RASA1: variants seen among roughly 807,000 people sequenced by gnomAD.
The protein encoded by RASA1 is RAS p21 protein activator 1, also known as ras GTPase-activating protein 1.
RASA1 carries 25 observed loss-of-function variants against 132.2 expected under a neutral mutation model. That is an observed-to-expected ratio of 0.19 (90% CI 0.14 to 0.26). The LOEUF (loss-of-function observed/expected upper bound fraction) is 0.26, where lower values mean the gene tolerates loss of function less well. Ranked by LOEUF, RASA1 falls within the 10% of genes least tolerant of loss-of-function variation. The pLI, the probability that RASA1 is intolerant of heterozygous loss-of-function variation, is 1.00. For synonymous variants in RASA1, 477 were observed against 449.9 expected, an observed-to-expected ratio of 1.06 and a Z score of -0.76; for missense variants, 964 against 1,299.2, an observed-to-expected ratio of 0.74 and a Z score of 3.97.
At chr5:87,368,538 C>T (rs893575594) in intron 11 of RASA1, among the ~76,000 whole-genome samples, 6 of 152,088 alleles carry the variant, frequency 3.9e-5, no homozygotes, top group Non-Finnish European at 7.4e-5. Flanking sequence ...GTTATTGCGT[C>T]CAGAAAGAAT....
At chr5:87,306,999 A>G (rs1293934296) in intron 1 of RASA1, among the ~76,000 whole-genome samples, 1 of 151,966 alleles carries the variant, frequency 6.6e-6, no homozygotes, top group African/African-American at 2.4e-5. Flanking sequence ...GCTGGGGACT[A>G]TAGGTGTGCG....
In RASA1 at chr5:87,332,899, A is replaced by G. The variant is rs35881049; in HGVS notation, c.828+257A>G. On this transcript the variant is annotated intron_variant, in intron 3 of 24. Transcript: ENST00000274376. ...GTGATAGCCTAACAAATATTTCTGA[A>G]TGTATGGGAACAAATTACTGATTTC... Among the ~76,000 whole-genome samples, 1,185 of 152,264 alleles carry G rather than the reference A, an allele frequency of 7.8e-3. 8 individuals carry two copies. The highest frequency in any genetic ancestry group is 0.012 in the Non-Finnish European group (849 of 67,982).
At chr5:87,357,667 T>C (rs1243282693) in intron 9 of RASA1, among the ~76,000 whole-genome samples, 1 of 151,788 alleles carries the variant, frequency 6.6e-6, no homozygotes, top group African/African-American at 2.4e-5. Context: ...ATTGCACCAC[T>C]GCACTCCAGA....
At chr5:87,275,589 C>T (rs965090151) in intron 1 of RASA1, among the ~76,000 whole-genome samples, 2 of 148,164 alleles carry the variant, frequency 1.3e-5, no homozygotes, top group Non-Finnish European at 1.5e-5. Context: ...TTTTTTTTTC[C>T]CCCCTGAGAT....
intron 1 of RASA1, among the ~76,000 whole-genome samples, chr5:87,295,875 GT>G (rs1755097818): frequency 6.6e-6 from 1 of 151,454 alleles, no homozygotes; most frequent in Non-Finnish European, 1.5e-5. Flanking sequence ...GGAATGCAGT[GT>G]TACCATCTCT....
chr5:87,268,680 G>A lies in RASA1; in HGVS notation c.229G>A (p.Val77Met). Residue 77 changes from valine (V) to methionine (M), a missense_variant, in exon 1 of 25, where the codon GTG becomes ATG. Physicochemically the swap from Val to Met is conservative, Grantham distance 21. Coordinates refer to ENST00000274376, the MANE Select transcript of RASA1 (RefSeq NM_002890.3). Reference sequence around the variant, plus strand: ...GTCAGAGTTCCTAGGAGCCGGGTCTGTGGCAGGGGCACTGGGGGGAGCTGG... The same window carrying A: ...GTCAGAGTTCCTAGGAGCCGGGTCTATGGCAGGGGCACTGGGGGGAGCTGG... ...LGSEFLGAGS[V>M]AGALGGAGLT... 6.2e-7 allele frequency: 1 copy of A among 1,611,624 alleles called. No individual in the cohort carries two copies.
chr5:87,367,647 A>G (rs922548994), intron 11 of RASA1, among the ~76,000 whole-genome samples: 2 of 152,158 alleles, frequency 1.3e-5, no homozygotes, highest in Non-Finnish European at 2.9e-5. Context: ...TAGTGACACA[A>G]AGTTATTCTA....
intron 11 of RASA1, 90 bp downstream of exon 11, chr5:87,363,594 T>C: frequency 2.1e-6 from 3 of 1,437,478 alleles, no homozygotes; most frequent in Non-Finnish European, 2.9e-6. Context: ...AGCCCTAAAA[T>C]CATCTTCTAA....
chr5:87,271,346 A>G (rs959010513), intron 1 of RASA1, among the ~76,000 whole-genome samples: 10 of 152,094 alleles, frequency 6.6e-5, no homozygotes, highest in Middle Eastern at 3.2e-3. Flanking sequence ...GTTATGAAAA[A>G]CAATGCAACT....
intron 1 of RASA1, among the ~76,000 whole-genome samples, chr5:87,281,703 C>G (rs1233506283): frequency 6.6e-6 from 1 of 152,064 alleles, no homozygotes; most frequent in Non-Finnish European, 1.5e-5. Flanking sequence ...GTTTCAACCT[C>G]CCAGCTAGCT....
chr5:87,293,184 A>C (rs924128854), intron 1 of RASA1, among the ~76,000 whole-genome samples: 2 of 148,190 alleles, frequency 1.3e-5, no homozygotes, highest in Non-Finnish European at 3.0e-5. Flanking sequence ...ATTTTTCCCC[A>C]TCTTGGTGGG....
intron 1 of RASA1, among the ~76,000 whole-genome samples, chr5:87,270,192 A>T: frequency 6.8e-6 from 1 of 146,984 alleles, no homozygotes; most frequent in Non-Finnish European, 1.5e-5. Flanking sequence ...CAGTGAGCCG[A>T]GATCGTGCCG....
chr5:87,269,028 G>T (rs755568140), intron 1 of RASA1, 38 bp downstream of exon 1: 1 of 1,614,234 alleles, frequency 6.2e-7, no homozygotes, highest in South Asian at 1.1e-5. Flanking sequence ...TGGGAAGCTG[G>T]CTCCAGAAAA....
intron 1 of RASA1, among the ~76,000 whole-genome samples, chr5:87,279,642 T>G (rs1754224830): frequency 6.6e-6 from 1 of 152,226 alleles, no homozygotes; most frequent in African/African-American, 2.4e-5. Flanking sequence ...AAGATCCGGT[T>G]TCTCTGTGTC....
Position 87,362,890 on chromosome 5 carries a change from T to TTTTC in RASA1, c.1453+235_1453+238dup, listed in dbSNP as rs547648090. On this transcript the variant is annotated intron_variant, in intron 10 of 24. Coordinates refer to ENST00000274376, the MANE Select transcript of RASA1 (RefSeq NM_002890.3). Reference sequence around the variant, plus strand: ...TGTTTCTTCTACCCATGGTTTCTTTTTTTCTTTCTTTCTTTCTTTTTTTTT... The same window carrying TTTTC: ...TGTTTCTTCTACCCATGGTTTCTTTTTTTCTTTCTTTCTTTCTTTCTTTTTTTTT... 1.3e-4 allele frequency among the ~76,000 whole-genome samples: 20 copies of TTTTC among 151,652 alleles called. No individual in the cohort carries two copies. The Middle Eastern group carries it at 0.01, about 78-fold the overall frequency.
chr5:87,294,718 A>G lies in RASA1; in HGVS notation c.539+25728A>G, dbSNP rs532021927. ...ATTCTGTGGTCTGATAGTAGACATTATATGATTTCTATACTTATAAATTTG... is the reference window on the plus strand; with the variant it reads ...ATTCTGTGGTCTGATAGTAGACATTGTATGATTTCTATACTTATAAATTTG... On this transcript the variant is annotated intron_variant, in intron 1 of 24. Coordinates refer to ENST00000274376, the MANE Select transcript of RASA1 (RefSeq NM_002890.3). Among the ~76,000 whole-genome samples, 9 of 152,334 alleles carry G rather than the reference A, an allele frequency of 5.9e-5. No homozygotes were observed. The East Asian group carries it at 1.7e-3, about 29-fold the overall frequency.
intron 21 of RASA1, among the ~76,000 whole-genome samples, 176 bp downstream of exon 21, chr5:87,383,956 T>C (rs980043421): frequency 1.3e-5 from 2 of 152,070 alleles, no homozygotes; most frequent in African/African-American, 4.8e-5. Context: ...TGGGCTTTTT[T>C]CTTTTTGTTT....
At position 87,329,033 on chromosome 5, in the gene RASA1, C is replaced by T. The variant is rs575693063; in HGVS notation, c.540-2315C>T. Reference sequence around the variant, plus strand: ...TTTTGCTTTATGTGTTTGAAGCTTACGACCTTTTGACATGAAGGAAATTGC... The same window carrying T: ...TTTTGCTTTATGTGTTTGAAGCTTATGACCTTTTGACATGAAGGAAATTGC... On this transcript the variant is annotated intron_variant, in intron 1 of 24. Transcript: ENST00000274376. 3.3e-5 allele frequency among the ~76,000 whole-genome samples: 5 copies of T among 152,194 alleles called. No homozygotes were observed. In the South Asian group the frequency reaches 1.0e-3, roughly 32 times the overall value.
At chr5:87,313,012 A>G (rs1756034561) in intron 1 of RASA1, among the ~76,000 whole-genome samples, 1 of 152,190 alleles carries the variant, frequency 6.6e-6, no homozygotes, top group African/African-American at 2.4e-5. Flanking sequence ...GTTCCCACAG[A>G]GAGACTGTGA....
Sources: gnomAD v4.1 joint callset for allele counts (sites outside exome capture counted in the v4.1 genomes callset) on GRCh38, gnomAD v4.1.1 for gene constraint, MANE v1.5 for transcripts, NCBI Gene and HGNC (gene_info 2026-07-23, HGNC 2026-07-21) for gene names.